Variants in PRKG1 observed in about 807,000 individuals in gnomAD.
The protein encoded by PRKG1 is protein kinase cGMP-dependent 1, also known as cGMP-dependent protein kinase 1.
Under a neutral mutation model 88.1 loss-of-function variants are expected in PRKG1, and 35 were observed. That is an observed-to-expected ratio of 0.40 (90% CI 0.30 to 0.53). The LOEUF is 0.53. PRKG1 is among the 20% of genes least tolerant of loss of function. The pLI is 0.59. For synonymous variants in PRKG1, 303 were observed against 292.5 expected, an observed-to-expected ratio of 1.04 and a Z score of -0.37; for missense variants, 540 against 839.8, an observed-to-expected ratio of 0.64 and a Z score of 4.41.
At position 51,410,124 on chromosome 10, in the gene PRKG1, G is replaced by A. The variant is rs886645110; in HGVS notation, c.479-57599G>A. On this transcript the variant is annotated intron_variant, in intron 2 of 17. Transcript: ENST00000373980. ...AGTGGGTACTCCTAGTACCAAAATC[G>A]GTGTTAGTCAGGGTTCTCTAGAGGG... Among the ~76,000 whole-genome samples, 14 of 151,680 alleles carry A rather than the reference G, an allele frequency of 9.2e-5. No homozygotes were observed. The South Asian group carries it at 2.9e-3, about 32-fold the overall frequency.
Position 51,616,624 on chromosome 10 carries a change from A to G in PRKG1, c.592+148788A>G, listed in dbSNP as rs573024833. 4.1e-4 allele frequency among the ~76,000 whole-genome samples: 62 copies of G among 152,234 alleles called. 1 individual carries two copies. The South Asian group carries it at 8.5e-3, about 21-fold the overall frequency. ...TGGTTCCTGGACTGCATATTCTGGC[A>G]TAAGGAAAGGGGTGGTTAGACTGGG... On this transcript the variant is annotated intron_variant, in intron 3 of 17. Transcript: ENST00000373980.
intron 3 of PRKG1, among the ~76,000 whole-genome samples, chr10:51,594,950 T>G (rs777832254): frequency 6.6e-6 from 1 of 152,212 alleles, no homozygotes; most frequent in East Asian, 1.9e-4. Context: ...TTAAGTGATC[T>G]TATATTAAGG....
At chr10:51,505,810 A>G (rs1336407287) in intron 3 of PRKG1, among the ~76,000 whole-genome samples, 4 of 151,964 alleles carry the variant, frequency 2.6e-5, no homozygotes, top group Non-Finnish European at 4.4e-5. Flanking sequence ...TGGGATCGGT[A>G]GTGATATCCC....
chr10:51,405,826 A>G (rs1248800461), intron 2 of PRKG1, among the ~76,000 whole-genome samples: 1 of 152,212 alleles, frequency 6.6e-6, no homozygotes, highest in Non-Finnish European at 1.5e-5. Flanking sequence ...CTCATAAAGC[A>G]TCTGCATAAG....
At chr10:51,843,485 C>T (rs1412510825) in intron 4 of PRKG1, among the ~76,000 whole-genome samples, 1 of 152,126 alleles carries the variant, frequency 6.6e-6, no homozygotes, top group East Asian at 1.9e-4. Flanking sequence ...TGTCCTCAAG[C>T]CAGTCTTGTG....
At chr10:51,297,546 TA>T (rs1238098927) in intron 2 of PRKG1, among the ~76,000 whole-genome samples, 1 of 152,118 alleles carries the variant, frequency 6.6e-6, no homozygotes, top group Non-Finnish European at 1.5e-5. Context: ...TATTAACTTG[TA>T]AAAATCATAC....
At chr10:52,064,078 G>T (rs983767638) in intron 7 of PRKG1, among the ~76,000 whole-genome samples, 1 of 152,140 alleles carries the variant, frequency 6.6e-6, no homozygotes, top group South Asian at 2.1e-4. Context: ...TCTGAAGGTG[G>T]GGCCTTAATG....
intron 2 of PRKG1, among the ~76,000 whole-genome samples, chr10:51,297,581 GGAGAA>G (rs2132232766): frequency 6.6e-6 from 1 of 152,140 alleles, no homozygotes; most frequent in East Asian, 1.9e-4. Flanking sequence ...TAATAGCTGG[GGAGAA>G]AGCAAAAGCA....
intron 2 of PRKG1, among the ~76,000 whole-genome samples, chr10:51,173,271 A>T (rs546147639): frequency 6.6e-6 from 1 of 152,148 alleles, no homozygotes; most frequent in East Asian, 1.9e-4. Context: ...AATTGTAAAA[A>T]CTCACACATT....
chr10:51,554,349 A>T (rs1837251504), intron 3 of PRKG1, among the ~76,000 whole-genome samples: 1 of 147,166 alleles, frequency 6.8e-6, no homozygotes, highest in African/African-American at 2.5e-5. Context: ...ATATACACAT[A>T]TATAATATAT....
At chr10:51,518,232 A>G (rs1841645054) in intron 3 of PRKG1, among the ~76,000 whole-genome samples, 1 of 152,174 alleles carries the variant, frequency 6.6e-6, no homozygotes, top group Non-Finnish European at 1.5e-5. Flanking sequence ...TCCTGGCCTC[A>G]GGTGATCCAC....
At chr10:52,290,042 T>C (rs1008928678) in intron 16 of PRKG1, among the ~76,000 whole-genome samples, 182 bp from the exon 17 acceptor site, 3 of 152,212 alleles carry the variant, frequency 2.0e-5, no homozygotes, top group Non-Finnish European at 4.4e-5. Context: ...GTTATACTTT[T>C]AAAAATATGT....
At chr10:51,781,053 G>A (rs138763134) in intron 3 of PRKG1, among the ~76,000 whole-genome samples, 25 of 152,218 alleles carry the variant, frequency 1.6e-4, no homozygotes, top group Middle Eastern at 3.4e-3. Flanking sequence ...GAAATGTCTC[G>A]TTGGATGGGG....
At chr10:51,223,644 T>C (rs1838611924) in intron 2 of PRKG1, among the ~76,000 whole-genome samples, 1 of 152,224 alleles carries the variant, frequency 6.6e-6, no homozygotes, top group African/African-American at 2.4e-5. Context: ...CTGTATAAGA[T>C]ATAATTTACT....
chr10:51,766,202 AG>A (rs772104976), intron 3 of PRKG1, among the ~76,000 whole-genome samples: 223 of 151,692 alleles, frequency 1.5e-3, no homozygotes, highest in Non-Finnish European at 2.2e-3. Context: ...GGCCCAAAAG[AG>A]GGTTGCTGTT....
At chr10:51,717,861 TATC>T (rs1163662429) in intron 3 of PRKG1, among the ~76,000 whole-genome samples, 1 of 151,800 alleles carries the variant, frequency 6.6e-6, no homozygotes, top group Non-Finnish European at 1.5e-5. Flanking sequence ...ATAATGAACT[TATC>T]ATCAACAGCA....
chr10:51,127,957 C>T (rs1347590991), intron 1 of PRKG1, among the ~76,000 whole-genome samples: 3 of 151,656 alleles, frequency 2.0e-5, no homozygotes, highest in Non-Finnish European at 4.4e-5. Flanking sequence ...GAAGCCTGTT[C>T]AGGGGTGGGG....
chr10:51,090,763 T>C (rs540218206), intron 1 of PRKG1, among the ~76,000 whole-genome samples: 2 of 152,320 alleles, frequency 1.3e-5, no homozygotes, highest in South Asian at 4.1e-4. Flanking sequence ...GCATTGCTGC[T>C]CTGGTTGAAG....
intron 5 of PRKG1, among the ~76,000 whole-genome samples, chr10:51,920,170 G>A (rs60768677): frequency 0.031 from 4,686 of 152,146 alleles, 253 homozygotes; most frequent in African/African-American, 0.11. Context: ...AAACAAAGAA[G>A]GTGTGGGAAG....
Sources: gnomAD v4.1 joint callset for allele counts (sites outside exome capture counted in the v4.1 genomes callset) on GRCh38, gnomAD v4.1.1 for gene constraint, MANE v1.5 for transcripts, NCBI Gene and HGNC (gene_info 2026-07-23, HGNC 2026-07-21) for gene names.